SORCS3: variants seen among roughly 807,000 people sequenced by gnomAD.
The protein encoded by SORCS3 is sortilin related VPS10 domain containing receptor 3, also known as VPS10 domain-containing receptor SorCS3.
Under a neutral mutation model 146.3 loss-of-function variants are expected in SORCS3, and 57 were observed. The observed-to-expected ratio is 0.39, with a 90% confidence interval of 0.31 to 0.49. The LOEUF is 0.49. SORCS3 is among the 20% of genes least tolerant of loss of function. The pLI is 0.92. For synonymous variants in SORCS3, 653 were observed against 618.5 expected, an observed-to-expected ratio of 1.06 and a Z score of -0.83; for missense variants, 1,341 against 1,575.5, an observed-to-expected ratio of 0.85 and a Z score of 2.52.
chr10:105,214,741 A>T, intron 18 of SORCS3, 128 bp downstream of exon 18: 1 of 890,562 alleles, frequency 1.1e-6, no homozygotes, highest in Non-Finnish European at 1.6e-6. Flanking sequence ...AAATTTCTGG[A>T]AAGAAGACAG....
intron 25 of SORCS3, among the ~76,000 whole-genome samples, chr10:105,257,336 C>T (rs72819929): frequency 0.08 from 12,217 of 152,082 alleles, 672 homozygotes; most frequent in Admixed American, 0.16. Context: ...GTACAGACAC[C>T]GATGCATTTT....
chr10:104,944,708 T>C (rs1283615011), intron 3 of SORCS3, among the ~76,000 whole-genome samples: 4 of 152,194 alleles, frequency 2.6e-5, no homozygotes, highest in Non-Finnish European at 4.4e-5. Context: ...TATCAAGTGT[T>C]GGCAAGAAGG....
Position 105,167,405 on chromosome 10 carries a change from G to A in SORCS3, c.1901+56G>A. 7 of 1,250,550 alleles carry A rather than the reference G, an allele frequency of 5.6e-6. No individual in the cohort carries two copies. The South Asian group carries it at 7.5e-5, about 13-fold the overall frequency. The allele number at this position is 1,250,550 out of a possible 1,614,324, so 77.5% of individuals were successfully genotyped here. A position where few individuals can be genotyped will look rare whatever the true frequency, so the allele number is the denominator to read the frequency against. ...CTAATGAGCAGCTTTTTAGTGGAGAGGATTGTGATGAGTTATTCTGCATGG... is the reference window on the plus strand; with the variant it reads ...CTAATGAGCAGCTTTTTAGTGGAGAAGATTGTGATGAGTTATTCTGCATGG... On this transcript the variant is annotated intron_variant, in intron 13 of 26. Coordinates refer to ENST00000369701, the MANE Select transcript of SORCS3 (RefSeq NM_014978.3).
At chr10:104,947,639 T>C (rs2019386649) in intron 3 of SORCS3, among the ~76,000 whole-genome samples, 1 of 152,152 alleles carries the variant, frequency 6.6e-6, no homozygotes, top group Non-Finnish European at 1.5e-5. Context: ...TGTTGTTGTT[T>C]TGAGATGCAG....
chr10:104,722,595 A>C (rs768293669), intron 1 of SORCS3, among the ~76,000 whole-genome samples: 5 of 152,204 alleles, frequency 3.3e-5, no homozygotes, highest in Non-Finnish European at 7.3e-5. Flanking sequence ...TTGGCTGTGA[A>C]TCCAACTGGT....
intron 5 of SORCS3, among the ~76,000 whole-genome samples, chr10:105,043,423 AG>A (rs1394063764): frequency 6.6e-6 from 1 of 152,172 alleles, no homozygotes; most frequent in Non-Finnish European, 1.5e-5. Flanking sequence ...CTCTGTGAGA[AG>A]GGTCATGATC....
At chr10:104,939,531 TC>T (rs2019290997) in intron 3 of SORCS3, among the ~76,000 whole-genome samples, 1 of 106,622 alleles carries the variant, frequency 9.4e-6, no homozygotes, top group African/African-American at 8.7e-5. Context: ...TAAGAGAACG[TC>T]CAAATGGGTC....
intron 13 of SORCS3, among the ~76,000 whole-genome samples, chr10:105,176,660 C>A (rs915617662): frequency 3.9e-5 from 6 of 151,988 alleles, no homozygotes; most frequent in African/African-American, 1.4e-4. Context: ...TCGAGACCAT[C>A]CTGTCTAACA....
At chr10:104,747,225 C>T (rs535755117) in intron 1 of SORCS3, among the ~76,000 whole-genome samples, 31 of 152,334 alleles carry the variant, frequency 2.0e-4, no homozygotes, top group African/African-American at 5.8e-4. Context: ...TTAGCACAAA[C>T]CCAACTCTGC....
chr10:104,776,310 C>T (rs900593793), intron 1 of SORCS3, among the ~76,000 whole-genome samples: 1 of 152,006 alleles, frequency 6.6e-6, no homozygotes, highest in African/African-American at 2.4e-5. Flanking sequence ...AGAGCTATTC[C>T]CTAAAGCTCC....
chr10:104,982,650 C>T (rs895526279), intron 4 of SORCS3, among the ~76,000 whole-genome samples: 1 of 152,210 alleles, frequency 6.6e-6, no homozygotes, highest in African/African-American at 2.4e-5. Flanking sequence ...ATCTCTAGCT[C>T]TGCTCACCTA....
At chr10:105,084,762 G>A (rs11816447) in intron 5 of SORCS3, among the ~76,000 whole-genome samples, 3,480 of 148,360 alleles carry the variant, frequency 0.023, 106 homozygotes, top group East Asian at 0.17. Flanking sequence ...ATGGAGTCTC[G>A]CTCTGTCGCC....
In SORCS3 at chr10:105,214,569, G is replaced by A. The variant is rs1337750998; in HGVS notation, c.2503G>A (p.Ala835Thr). The A allele has an allele frequency of 1.2e-6, 2 of 1,608,766 alleles. No homozygotes were observed. Among genetic ancestry groups the A allele is most frequent in the Admixed American group, 1.7e-5 (1 of 59,068 alleles). Residue 835 changes from alanine (A) to threonine (T), a missense_variant, in exon 18 of 27, where the codon GCA (alanine) becomes ACA (threonine). Ala to Thr is a moderately conservative substitution (Grantham distance 58, BLOSUM62 0). Coordinates refer to ENST00000369701, the MANE Select transcript of SORCS3 (RefSeq NM_014978.3). ...GGTGACGACCGATGGGCGGCTGGTG[G>A]CAGAGCAGGGGCACAATGCAACTTT... ...HVVTTDGRLV[A>T]EQGHNATFII...
At chr10:105,106,735 G>A (rs2055824545) in intron 7 of SORCS3, among the ~76,000 whole-genome samples, 1 of 152,190 alleles carries the variant, frequency 6.6e-6, no homozygotes, top group Non-Finnish European at 1.5e-5. Flanking sequence ...CGATGAGGGA[G>A]TGAAACAGGA....
chr10:105,031,303 A>AAAAC (rs955548336), intron 4 of SORCS3, among the ~76,000 whole-genome samples: 1 of 146,012 alleles, frequency 6.8e-6, no homozygotes. Context: ...TAGTCTCAAA[A>AAAAC]AAACAAACAA....
chr10:105,199,203 C>A (rs1027855498), intron 14 of SORCS3, among the ~76,000 whole-genome samples: 41 of 152,098 alleles, frequency 2.7e-4, no homozygotes, highest in African/African-American at 9.9e-4. Context: ...AGACACGCCA[C>A]CCGAGTAGAG....
intron 9 of SORCS3, among the ~76,000 whole-genome samples, chr10:105,155,326 A>T (rs185744389): frequency 6.6e-6 from 1 of 152,324 alleles, no homozygotes; most frequent in East Asian, 1.9e-4. Context: ...CTCCCCAGGA[A>T]AAACTGAACC....
At chr10:104,710,959 A>G (rs530767276) in intron 1 of SORCS3, among the ~76,000 whole-genome samples, 1 of 152,290 alleles carries the variant, frequency 6.6e-6, no homozygotes, top group South Asian at 2.1e-4. Flanking sequence ...GGGAGATTAG[A>G]TGGACGTTTC....
intron 1 of SORCS3, among the ~76,000 whole-genome samples, chr10:104,648,109 T>C (rs1403257158): frequency 1.3e-5 from 2 of 152,170 alleles, no homozygotes; most frequent in African/African-American, 2.4e-5. Flanking sequence ...TGGGGTGATA[T>C]GTGGTTAATT....
Sources: gnomAD v4.1 joint callset for allele counts (sites outside exome capture counted in the v4.1 genomes callset) on GRCh38, gnomAD v4.1.1 for gene constraint, MANE v1.5 for transcripts, NCBI Gene and HGNC (gene_info 2026-07-23, HGNC 2026-07-21) for gene names.